Variants in SUGCT observed in about 807,000 individuals in gnomAD.
SUGCT encodes succinyl-CoA:glutarate-CoA transferase, also known as succinyl-CoA:glutarate CoA-transferase.
Under a neutral mutation model 55.0 loss-of-function variants are expected in SUGCT, and 41 were observed. The observed-to-expected ratio is 0.74, with a 90% confidence interval of 0.58 to 0.97. SUGCT has a LOEUF of 0.97. Among genes scored for constraint, SUGCT ranks in the 50% least tolerant of loss-of-function variants. The pLI, the probability that SUGCT is intolerant of heterozygous loss-of-function variation, is 0.00. For synonymous variants in SUGCT, 187 were observed against 200.4 expected, an observed-to-expected ratio of 0.93 and a Z score of 0.56; for missense variants, 568 against 547.8, an observed-to-expected ratio of 1.04 and a Z score of -0.37.
intron 13 of SUGCT, among the ~76,000 whole-genome samples, chr7:40,826,959 T>A (rs1174196583): frequency 6.6e-6 from 1 of 152,202 alleles, no homozygotes; most frequent in Non-Finnish European, 1.5e-5. Context: ...TTTGGAAAAC[T>A]GGGTGCAAGT....
At chr7:40,184,924 G>A (rs2150719382) in intron 3 of SUGCT, among the ~76,000 whole-genome samples, 1 of 152,226 alleles carries the variant, frequency 6.6e-6, no homozygotes, top group East Asian at 1.9e-4. Flanking sequence ...TGTTTGATCT[G>A]GAAGATTCAA....
chr7:40,584,892 T>G (rs1223413870), intron 12 of SUGCT, among the ~76,000 whole-genome samples: 1 of 152,194 alleles, frequency 6.6e-6, no homozygotes, highest in Non-Finnish European at 1.5e-5. Flanking sequence ...CTCAGGAGGA[T>G]CTCCTGACAT....
At chr7:40,795,485 T>C (rs1010651639) in intron 13 of SUGCT, among the ~76,000 whole-genome samples, 2 of 152,152 alleles carry the variant, frequency 1.3e-5, no homozygotes. Flanking sequence ...AAATAAAATC[T>C]TCACGAAAAA....
chr7:40,396,366 C>T (rs775416682), intron 9 of SUGCT, among the ~76,000 whole-genome samples: 9 of 152,012 alleles, frequency 5.9e-5, no homozygotes, highest in Non-Finnish European at 1.2e-4. Context: ...CTGAAAAGTA[C>T]TCATTGATGT....
intron 13 of SUGCT, among the ~76,000 whole-genome samples, chr7:40,832,326 A>G (rs1190682729): frequency 6.6e-6 from 1 of 152,134 alleles, no homozygotes; most frequent in Admixed American, 6.5e-5. Flanking sequence ...TCCATCCTAC[A>G]GGGTCATTGT....
At chr7:40,692,768 C>T (rs546510731) in intron 12 of SUGCT, among the ~76,000 whole-genome samples, 1 of 152,260 alleles carries the variant, frequency 6.6e-6, no homozygotes. Flanking sequence ...CCTGCTAGGC[C>T]TGTTTTCTTT....
chr7:41,008,776 C>T, the SUGCT span, among the ~76,000 whole-genome samples: 11 of 151,980 alleles, frequency 7.2e-5, no homozygotes, highest in African/African-American at 2.7e-4. Context: ...GTTTCATGCA[C>T]ACCTCTCCTG....
chr7:40,711,910 ACTGGCCTGCG>A, intron 12 of SUGCT, among the ~76,000 whole-genome samples: 1 of 152,346 alleles, frequency 6.6e-6, no homozygotes, highest in East Asian at 1.9e-4. Context: ...TGACTGGATG[ACTGGCCTGCG>A]CTTAGGTAGC....
chr7:40,835,590 G>A (rs1369185137), intron 13 of SUGCT, among the ~76,000 whole-genome samples: 3 of 152,178 alleles, frequency 2.0e-5, no homozygotes, highest in Non-Finnish European at 4.4e-5. Flanking sequence ...TGATTTGTAT[G>A]ACACAGCAGG....
At chr7:40,279,769 A>G (rs1232749549) in intron 8 of SUGCT, among the ~76,000 whole-genome samples, 2 of 152,152 alleles carry the variant, frequency 1.3e-5, no homozygotes, top group Admixed American at 1.3e-4. Flanking sequence ...CAACATGATT[A>G]AAACCTGCTT....
intron 7 of SUGCT, among the ~76,000 whole-genome samples, chr7:40,263,996 T>TG (rs2150969195): frequency 6.6e-6 from 1 of 152,164 alleles, no homozygotes; most frequent in African/African-American, 2.4e-5. Context: ...TGAAGAAAAA[T>TG]GATCTTCCTG....
chr7:40,478,344 A>G (rs1418867688), intron 11 of SUGCT, among the ~76,000 whole-genome samples: 1 of 152,170 alleles, frequency 6.6e-6, no homozygotes, highest in Non-Finnish European at 1.5e-5. Context: ...TGTGCCAGGC[A>G]CAAAAATAAG....
chr7:40,841,070 G>A (rs887527370), intron 13 of SUGCT, among the ~76,000 whole-genome samples: 1 of 151,722 alleles, frequency 6.6e-6, no homozygotes, highest in East Asian at 1.9e-4. Context: ...ACTCATCATT[G>A]TTATATTACT....
intron 12 of SUGCT, among the ~76,000 whole-genome samples, chr7:40,497,264 G>A (rs1792033618): frequency 6.6e-6 from 1 of 152,106 alleles, no homozygotes; most frequent in Non-Finnish European, 1.5e-5. Flanking sequence ...AAATTACTGA[G>A]CATAGAATAC....
chr7:40,447,146 GT>G (rs943787823), intron 9 of SUGCT, among the ~76,000 whole-genome samples: 4 of 152,026 alleles, frequency 2.6e-5, no homozygotes, highest in African/African-American at 9.7e-5. Context: ...AGCCACTAGT[GT>G]TTTTTTCTGT....
At chr7:40,398,206 C>T (rs998379172) in intron 9 of SUGCT, among the ~76,000 whole-genome samples, 1 of 152,202 alleles carries the variant, frequency 6.6e-6, no homozygotes, top group African/African-American at 2.4e-5. Flanking sequence ...ATTCTCCTGC[C>T]TCAGCCTTTT....
intron 9 of SUGCT, among the ~76,000 whole-genome samples, chr7:40,409,100 G>A (rs182912620): frequency 4.0e-4 from 61 of 151,128 alleles, no homozygotes; most frequent in Admixed American, 2.5e-3. Context: ...AACTGTAGGC[G>A]CAAGCCACTG....
chr7:40,202,086 C>T (rs897405196), intron 6 of SUGCT, among the ~76,000 whole-genome samples: 1 of 152,110 alleles, frequency 6.6e-6, no homozygotes, highest in East Asian at 1.9e-4. Flanking sequence ...TCATCCTCCT[C>T]CTCAGCCTCT....
intron 12 of SUGCT, among the ~76,000 whole-genome samples, chr7:40,615,443 G>A (rs1339828600): frequency 6.6e-6 from 1 of 152,126 alleles, no homozygotes; most frequent in African/African-American, 2.4e-5. Context: ...TAATTCTCAA[G>A]TGAGAAAAAA....
Sources: gnomAD v4.1 joint callset for allele counts (sites outside exome capture counted in the v4.1 genomes callset) on GRCh38, gnomAD v4.1.1 for gene constraint, MANE v1.5 for transcripts, NCBI Gene and HGNC (gene_info 2026-07-23, HGNC 2026-07-21) for gene names.